INPP4B: variants seen among roughly 807,000 people sequenced by gnomAD.
INPP4B encodes the protein inositol polyphosphate 4-phosphatase type II.
A neutral mutation model predicts 122.5 loss-of-function variants in INPP4B; 55 were observed. The ratio of observed to expected loss-of-function variants is 0.45; its 90% CI spans 0.36 to 0.56. The LOEUF is 0.56. INPP4B is among the 20% of genes least tolerant of loss of function. The pLI is 0.00. For synonymous variants in INPP4B, 403 were observed against 388.7 expected, an observed-to-expected ratio of 1.04 and a Z score of -0.43; for missense variants, 1,000 against 1,097.7, an observed-to-expected ratio of 0.91 and a Z score of 1.26.
intron 2 of INPP4B, among the ~76,000 whole-genome samples, chr4:142,502,761 G>A (rs1465085888): frequency 2.0e-5 from 3 of 152,236 alleles, no homozygotes; most frequent in African/African-American, 4.8e-5. Context: ...GATTACAGGT[G>A]TGAGCCCATG....
chr4:142,786,737 C>T lies in INPP4B; in HGVS notation c.-254+59472G>A, dbSNP rs142539353. Among the ~76,000 whole-genome samples, 538 of 152,162 alleles carry T rather than the reference C, an allele frequency of 3.5e-3. 5 individuals carry two copies. The highest frequency in any genetic ancestry group is 0.012 in the African/African-American group (514 of 41,530). On this transcript the variant is annotated intron_variant, in intron 1 of 25. Transcript: ENST00000262992. Reference sequence around the variant, plus strand: ...GCACTCTACATTTGTCATTTTCCTCCGAGCTGCCCCTAAAAGCATAGCTGC... The same window carrying T: ...GCACTCTACATTTGTCATTTTCCTCTGAGCTGCCCCTAAAAGCATAGCTGC...
At position 142,025,629 on chromosome 4, in the gene INPP4B, T is replaced by G. The variant is rs1438977811; in HGVS notation, c.*3153A>C. ...TTTATACACATCAGTTTCTCTCCTTTTTTACCTCTTATTTTATGTAAAGTG... is the reference window on the plus strand; with the variant it reads ...TTTATACACATCAGTTTCTCTCCTTGTTTACCTCTTATTTTATGTAAAGTG... On this transcript the variant is annotated 3_prime_UTR_variant, in exon 26 of 26. Transcript: ENST00000262992. 2 of 152,148 alleles carry G rather than the reference T, an allele frequency of 1.3e-5. No individual in the cohort carries two copies. The highest frequency in any genetic ancestry group is 2.9e-5 in the Non-Finnish European group (2 of 68,030). The allele number at this position is 152,148 out of a possible 1,614,324, so 9.4% of individuals were successfully genotyped here.
At chr4:142,111,822 C>A (rs184366958) in intron 22 of INPP4B, among the ~76,000 whole-genome samples, 1 of 152,094 alleles carries the variant, frequency 6.6e-6, no homozygotes, top group Non-Finnish European at 1.5e-5. Context: ...CAGCTCAACA[C>A]AACCTCCATC....
chr4:142,833,030 T>G (rs1782354277), intron 1 of INPP4B, among the ~76,000 whole-genome samples: 1 of 152,144 alleles, frequency 6.6e-6, no homozygotes, highest in African/African-American at 2.4e-5. Flanking sequence ...ATTTGGTTTT[T>G]TTCTTGTTTG....
chr4:142,625,553 C>A (rs1327368567), intron 2 of INPP4B, among the ~76,000 whole-genome samples: 1 of 152,064 alleles, frequency 6.6e-6, no homozygotes, highest in Non-Finnish European at 1.5e-5. Context: ...AATGGCCATA[C>A]TGCCCAAGGT....
intron 17 of INPP4B, among the ~76,000 whole-genome samples, chr4:142,146,606 T>G (rs375773801): frequency 1.3e-5 from 2 of 152,174 alleles, no homozygotes; most frequent in African/African-American, 4.8e-5. Context: ...ATTTGACTAT[T>G]CTAGGTACTA....
At chr4:142,669,828 G>A (rs189319864) in intron 2 of INPP4B, among the ~76,000 whole-genome samples, 6 of 152,100 alleles carry the variant, frequency 3.9e-5, no homozygotes, top group Admixed American at 3.9e-4. Context: ...TCAAAAATAA[G>A]AAAGATAACA....
intron 2 of INPP4B, among the ~76,000 whole-genome samples, chr4:142,611,384 T>C (rs1255688222): frequency 1.3e-5 from 2 of 152,168 alleles, no homozygotes; most frequent in Admixed American, 1.3e-4. Context: ...CCAGAATATA[T>C]GCTGGTATTT....
At chr4:142,446,033 G>T (rs1404535523) in intron 3 of INPP4B, among the ~76,000 whole-genome samples, 3 of 151,932 alleles carry the variant, frequency 2.0e-5, no homozygotes, top group Non-Finnish European at 2.9e-5. Context: ...AGGAAAATTT[G>T]TTGTATTAAA....
intron 25 of INPP4B, among the ~76,000 whole-genome samples, chr4:142,047,566 T>A (rs1310331072): frequency 2.0e-5 from 3 of 152,010 alleles, no homozygotes; most frequent in Non-Finnish European, 4.4e-5. Flanking sequence ...TCATTAGTAC[T>A]CCATGGGGTG....
intron 2 of INPP4B, chr4:142,518,708 C>A (rs1248222639): frequency 2.6e-5 from 4 of 152,134 alleles, no homozygotes; most frequent in African/African-American, 9.7e-5. Flanking sequence ...TCTAGGAGAG[C>A]CTGTTGCAAT....
chr4:142,298,142 T>A (rs917711189), intron 9 of INPP4B, among the ~76,000 whole-genome samples: 2 of 152,110 alleles, frequency 1.3e-5, no homozygotes, highest in Non-Finnish European at 2.9e-5. Flanking sequence ...AAAGAAGATT[T>A]AGAGTTGGAC....
chr4:142,100,632 T>TAACTC (rs1475330749), intron 23 of INPP4B, among the ~76,000 whole-genome samples: 1 of 152,196 alleles, frequency 6.6e-6, no homozygotes, highest in Non-Finnish European at 1.5e-5. Context: ...GCTAATATCC[T>TAACTC]AACTCAATTG....
At chr4:142,732,800 A>C (rs1681693072) in intron 1 of INPP4B, among the ~76,000 whole-genome samples, 1 of 152,168 alleles carries the variant, frequency 6.6e-6, no homozygotes, top group Non-Finnish European at 1.5e-5. Flanking sequence ...CCAAAATCCC[A>C]GTAGTCTTTT....
intron 6 of INPP4B, 129 bp from the exon 7 acceptor site, chr4:142,403,183 G>A (rs1802211200): frequency 3.0e-6 from 2 of 673,848 alleles, no homozygotes; most frequent in South Asian, 3.5e-5. Flanking sequence ...TCTATTAGAA[G>A]AGATCTGAAT....
At chr4:142,765,547 C>A (rs1184735409) in intron 1 of INPP4B, among the ~76,000 whole-genome samples, 1 of 152,076 alleles carries the variant, frequency 6.6e-6, no homozygotes. Context: ...AGATGTATTT[C>A]CCCACTCTCC....
intron 2 of INPP4B, among the ~76,000 whole-genome samples, chr4:142,622,136 C>A (rs1056386799): frequency 2.6e-5 from 4 of 151,986 alleles, no homozygotes; most frequent in Admixed American, 6.6e-5. Context: ...GCTGTAACTG[C>A]AGCTTTGCAA....
At chr4:142,227,785 G>A (rs1371257889) in intron 12 of INPP4B, among the ~76,000 whole-genome samples, 2 of 144,328 alleles carry the variant, frequency 1.4e-5, no homozygotes, top group African/African-American at 5.2e-5. Flanking sequence ...TTGAACCCAG[G>A]AGGCAGAGGT....
intron 25 of INPP4B, among the ~76,000 whole-genome samples, chr4:142,039,220 G>C (rs1420970849): frequency 6.6e-6 from 1 of 152,124 alleles, no homozygotes; most frequent in Non-Finnish European, 1.5e-5. Context: ...AGAAATAGTG[G>C]AGTTGGGGGC....
Sources: allele counts gnomAD v4.1 joint callset (sites outside exome capture counted in the v4.1 genomes callset), GRCh38; gene constraint gnomAD v4.1.1; transcripts MANE v1.5; gene names NCBI Gene and HGNC (gene_info 2026-07-23, HGNC 2026-07-21).